The following PRDM16 variants were observed in gnomAD, a reference collection of about 807,000 sequenced individuals.
PRDM16 encodes histone-lysine N-methyltransferase PRDM16.
A neutral mutation model predicts 110.6 loss-of-function variants in PRDM16; 23 were observed. The observed-to-expected ratio is 0.21, with a 90% CI of 0.15 to 0.29. The LOEUF is 0.29. Among genes scored for constraint, PRDM16 ranks in the 10% least tolerant of loss-of-function variants. The probability of loss-of-function intolerance (pLI) is 1.00; values close to 1 mark genes in which losing one functional copy is unlikely to be tolerated. For synonymous variants in PRDM16, 799 were observed against 781.8 expected (o/e 1.02, Z -0.37); for missense variants, 1,615 against 1,794.3 (o/e 0.90, Z 1.81).
chr1:3,361,185 G>A (rs1033363378), intron 3 of PRDM16, among the ~76,000 whole-genome samples: 12 of 152,278 alleles, frequency 7.9e-5, no homozygotes, highest in Admixed American at 3.9e-4. Flanking sequence ...GGAGGCCCCC[G>A]TCCCCCTTTA....
At chr1:3,116,187 C>G (rs975986180) in intron 1 of PRDM16, among the ~76,000 whole-genome samples, 1 of 152,250 alleles carries the variant, frequency 6.6e-6, no homozygotes, top group East Asian at 1.9e-4. Flanking sequence ...TGTTCCTTAC[C>G]GGGGAGAACA....
intron 2 of PRDM16, among the ~76,000 whole-genome samples, chr1:3,240,046 AGGAGAGGAGAAGAGG>A (rs1639627607): frequency 2.0e-4 from 20 of 98,586 alleles, no homozygotes; most frequent in African/African-American, 8.1e-4. Flanking sequence ...AGAAGAGGAG[AGGAGAGGAGAAGAGG>A]AGAGGAGAGG....
chr1:3,297,722 A>G (rs1448567873), intron 3 of PRDM16, among the ~76,000 whole-genome samples: 1 of 152,178 alleles, frequency 6.6e-6, no homozygotes, highest in Non-Finnish European at 1.5e-5. Flanking sequence ...CCTGCCCACA[A>G]CACCACAGTC....
At chr1:3,196,882 C>T (rs138982246) in intron 2 of PRDM16, among the ~76,000 whole-genome samples, 80 of 152,342 alleles carry the variant, frequency 5.3e-4, no homozygotes, top group African/African-American at 1.8e-3. Flanking sequence ...TTCCTGACCA[C>T]AGGCCTCAGC....
At chr1:3,161,862 G>C (rs886126144) in intron 1 of PRDM16, among the ~76,000 whole-genome samples, 1 of 152,244 alleles carries the variant, frequency 6.6e-6, no homozygotes, top group African/African-American at 2.4e-5. Context: ...GTTCGGCAGA[G>C]CAGGTCTCCC....
At chr1:3,161,620 C>T (rs1364990613) in intron 1 of PRDM16, among the ~76,000 whole-genome samples, 2 of 152,234 alleles carry the variant, frequency 1.3e-5, no homozygotes, top group Non-Finnish European at 2.9e-5. Flanking sequence ...AGCACCAGCT[C>T]CACAATTAAA....
Position 3,089,326 on chromosome 1 carries a change from G to T in PRDM16, c.37+20030G>T, listed in dbSNP as rs573070394. 2.0e-5 allele frequency among the ~76,000 whole-genome samples: 3 copies of T among 152,332 alleles called. No homozygotes were observed. In the South Asian group the frequency reaches 6.2e-4, roughly 32 times the overall value. On this transcript the variant is annotated intron_variant, in intron 1 of 16. Coordinates refer to ENST00000270722, the MANE Select transcript of PRDM16 (RefSeq NM_022114.4). ...TGAGCCTCGTTTCTAAGAGACGTTGGGACCCCTGGGACCCACCCCCCACCG... is the reference window on the plus strand; with the variant it reads ...TGAGCCTCGTTTCTAAGAGACGTTGTGACCCCTGGGACCCACCCCCCACCG...
intron 3 of PRDM16, among the ~76,000 whole-genome samples, chr1:3,314,330 C>T (rs552700283): frequency 2.0e-5 from 3 of 152,134 alleles, no homozygotes; most frequent in African/African-American, 7.2e-5. Flanking sequence ...TTTCTGAAAT[C>T]GGTCCTGGAA....
intron 1 of PRDM16, among the ~76,000 whole-genome samples, chr1:3,139,876 C>T (rs1475137890): frequency 6.6e-6 from 1 of 152,230 alleles, no homozygotes; most frequent in African/African-American, 2.4e-5. Flanking sequence ...TTTTCCTCCT[C>T]CCTGGTTCAG....
intron 2 of PRDM16, among the ~76,000 whole-genome samples, chr1:3,215,889 G>A (rs999216014): frequency 2.4e-4 from 36 of 152,162 alleles, no homozygotes; most frequent in African/African-American, 7.0e-4. Context: ...CATTGTTCCC[G>A]GGGCCGATTC....
At chr1:3,335,985 G>C (rs1304008687) in intron 3 of PRDM16, among the ~76,000 whole-genome samples, 2 of 152,240 alleles carry the variant, frequency 1.3e-5, no homozygotes, top group East Asian at 3.8e-4. Flanking sequence ...GTCAGTCGTG[G>C]ATCTGTCAGG....
chr1:3,196,487 T>G (rs997419881), intron 2 of PRDM16, among the ~76,000 whole-genome samples: 5 of 152,358 alleles, frequency 3.3e-5, no homozygotes, highest in African/African-American at 1.2e-4. Flanking sequence ...GGCCTGAGAA[T>G]GCTGGGGACA....
intron 3 of PRDM16, among the ~76,000 whole-genome samples, chr1:3,272,885 G>A (rs1472688561): frequency 1.3e-5 from 2 of 152,190 alleles, no homozygotes; most frequent in East Asian, 3.9e-4. Flanking sequence ...GTGGCTTCAC[G>A]GCTCTGCCAC....
At chr1:3,291,489 C>G (rs1297084395) in intron 3 of PRDM16, among the ~76,000 whole-genome samples, 2 of 152,208 alleles carry the variant, frequency 1.3e-5, no homozygotes, top group African/African-American at 4.8e-5. Flanking sequence ...GCTGTCATCA[C>G]TGATCCAGCA....
intron 1 of PRDM16, among the ~76,000 whole-genome samples, chr1:3,140,869 G>A (rs559946390): frequency 1.5e-3 from 221 of 152,344 alleles, no homozygotes; most frequent in African/African-American, 3.4e-3. Flanking sequence ...CATTGATCCC[G>A]CAGAAGAAAA....
intron 14 of PRDM16, among the ~76,000 whole-genome samples, chr1:3,428,984 T>A (rs1468657369): frequency 1.3e-5 from 2 of 152,078 alleles, no homozygotes; most frequent in Non-Finnish European, 2.9e-5. Flanking sequence ...CAGCCAAGGG[T>A]CACCTAAGAG....
intron 14 of PRDM16, among the ~76,000 whole-genome samples, chr1:3,428,331 C>T (rs996088377): frequency 6.6e-6 from 1 of 151,914 alleles, no homozygotes; most frequent in Non-Finnish European, 1.5e-5. Flanking sequence ...TGCAGGAGAC[C>T]CACCAGGACA....
chr1:3,161,462 T>C (rs1643896156), intron 1 of PRDM16, among the ~76,000 whole-genome samples: 1 of 152,140 alleles, frequency 6.6e-6, no homozygotes, highest in Non-Finnish European at 1.5e-5. Flanking sequence ...GAGGAGATGC[T>C]GGGGGTAGGA....
chr1:3,277,821 A>G (rs1298378649), intron 3 of PRDM16, among the ~76,000 whole-genome samples: 2 of 148,724 alleles, frequency 1.3e-5, no homozygotes, highest in Admixed American at 1.3e-4. Flanking sequence ...ACACGAGCAT[A>G]TGCACATGCA....
Sources: allele counts gnomAD v4.1 joint callset (sites outside exome capture counted in the v4.1 genomes callset), GRCh38; gene constraint gnomAD v4.1.1; transcripts MANE v1.5; gene names NCBI Gene and HGNC (gene_info 2026-07-23, HGNC 2026-07-21).